The following KBTBD4 variants were observed in gnomAD, a reference collection of about 807,000 sequenced individuals.
KBTBD4 encodes kelch repeat and BTB domain-containing protein 4.
A neutral mutation model predicts 43.9 loss-of-function variants in KBTBD4; 30 were observed. The observed-to-expected ratio is 0.68, with a 90% confidence interval of 0.51 to 0.93. The LOEUF (loss-of-function observed/expected upper bound fraction) is 0.93, where lower values mean the gene tolerates loss of function less well. Among genes scored for constraint, KBTBD4 ranks in the 40% least tolerant of loss-of-function variants. KBTBD4 has a pLI of 0.00. For synonymous variants in KBTBD4, 258 were observed against 256.9 expected, an observed-to-expected ratio of 1.00 and a Z score of -0.04; for missense variants, 575 against 668.8, an observed-to-expected ratio of 0.86 and a Z score of 1.55.
In KBTBD4 at chr11:47,575,680, C is replaced by T; in HGVS notation, c.657G>A (p.Gln219=). The T allele has an allele frequency of 6.2e-7, 1 of 1,610,002 alleles. No homozygotes were observed. Among genetic ancestry groups the T allele is most frequent in the Non-Finnish European group, 8.5e-7 (1 of 1,178,472 alleles). The change falls in exon 3 of 4, where the codon CAG becomes CAA. Residue 219 remains glutamine (Q), a synonymous_variant. Transcript: ENST00000430070. ...AGGCTTCTATTGCCTCTGTTGGGTT[C>T]TGAGAACACGGAACTCCATCTGTGA... ...DIISDGVPCS[Q]NPTEAIEAWI...
chr11:47,573,921 T>C lies in KBTBD4; in HGVS notation c.745-131A>G. 2 of 826,144 alleles carry C rather than the reference T, an allele frequency of 2.4e-6. No homozygotes were observed. The highest frequency in any genetic ancestry group is 1.8e-5 in the South Asian group (1 of 55,878). 51.2% of individuals were successfully genotyped at this position (826,144 alleles called of 1,614,324 possible). Reference sequence around the variant, plus strand: ...ATCATACTACTCTCTAATTACTGTATGGCATCCAACTCTCCTCTAGTCACT... The same window carrying C: ...ATCATACTACTCTCTAATTACTGTACGGCATCCAACTCTCCTCTAGTCACT... On this transcript the variant is annotated intron_variant, in intron 3 of 3. Coordinates refer to ENST00000430070, the MANE Select transcript of KBTBD4 (RefSeq NM_018095.6). The surrounding 1 kb of genome is among the most constrained non-coding windows in gnomAD (Gnocchi z 4.1).
intron 1 of KBTBD4, chr11:47,578,554 T>G: frequency 1.4e-6 from 1 of 698,520 alleles, no homozygotes; most frequent in Non-Finnish European, 2.6e-6. Flanking sequence ...TGCTCTCTTC[T>G]GAGCTGCTTC....
In KBTBD4 at chr11:47,573,412, T is replaced by C; in HGVS notation, c.1123A>G (p.Thr375Ala). ...IYYRVGDNVW[T>A]ETTQLEVAVS... is the part of the protein sequence containing the mutation. ...GCCACCTCTAGCTGAGTTGTCTCTG[T>C]CCACACATTATCACCTACGCGATAA... The change falls in exon 4 of 4, where the codon ACA becomes GCA. Residue 375 changes from threonine (T) to alanine (A), a missense_variant. Physicochemically the swap from Thr to Ala is moderately conservative, Grantham distance 58. Transcript: ENST00000430070. This position sits in a 1 kb window ranked among gnomAD's most constrained non-coding sequence, Gnocchi z 4.1. 3.8e-5 allele frequency: 61 copies of C among 1,614,194 alleles called. No individual in the cohort carries two copies. The highest frequency in any genetic ancestry group is 5.1e-5 in the Non-Finnish European group (60 of 1,180,028).
Position 47,573,459 on chromosome 11 carries a change from G to A in KBTBD4, c.1076C>T (p.Thr359Ile), listed in dbSNP as rs760584018. 1.2e-6 allele frequency: 2 copies of A among 1,614,220 alleles called. No individual in the cohort carries two copies. The highest frequency in any genetic ancestry group is 1.7e-6 in the Non-Finnish European group (2 of 1,180,044). ...ATAATAAATGACTGCGTTGGAGAGG[G>A]TATCTTGCAGTGTCTTGCCACCCAG... ...YSLGGKTLQD[T>I]LSNAVIYYRV... is the part of the protein sequence containing the mutation. The change falls in exon 4 of 4, where the codon ACC (threonine) becomes ATC (isoleucine). Residue 359 changes from threonine (T) to isoleucine (I), a missense_variant. By Grantham distance (89) the Thr-to-Ile change is moderately conservative. Coordinates refer to ENST00000430070, the MANE Select transcript of KBTBD4 (RefSeq NM_018095.6). The surrounding 1 kb of genome is among the most constrained non-coding windows in gnomAD (Gnocchi z 4.1).
At position 47,575,737 on chromosome 11, in the gene KBTBD4, C is replaced by A. The variant is rs1282886852; in HGVS notation, c.638-38G>T. 4 of 1,344,900 alleles carry A rather than the reference C, an allele frequency of 3.0e-6. No homozygotes were observed. The South Asian group carries it at 3.7e-5, about 12-fold the overall frequency. 83.3% of individuals were successfully genotyped at this position (1,344,900 alleles called of 1,614,324 possible). A position where few individuals can be genotyped will look rare whatever the true frequency, so the allele number is the denominator to read the frequency against. On this transcript the variant is annotated intron_variant, in intron 2 of 3. Coordinates refer to ENST00000430070, the MANE Select transcript of KBTBD4 (RefSeq NM_018095.6). ...GAGGAAAGGCATGGTCAATGACAAT[C>A]CGAAAGAGAAATTCAGAGTAAGGGA...
chr11:47,572,792 TG>T lies in KBTBD4; in HGVS notation c.*137del. On this transcript the variant is annotated 3_prime_UTR_variant, in exon 4 of 4. Coordinates refer to ENST00000430070, the MANE Select transcript of KBTBD4 (RefSeq NM_018095.6). ...AAAAGCCCCAAACAGAACACCTCCA[TG>T]GATTCAGGGAAGGGCTGAGGCACTG... is the stretch of plus-strand genomic sequence containing the variant. The T allele has an allele frequency of 1.1e-6, 1 of 895,714 alleles. No individual in the cohort carries two copies. Among genetic ancestry groups the T allele is most frequent in the Non-Finnish European group, 1.7e-6 (1 of 597,056 alleles). The allele number at this position is 895,714 out of a possible 1,614,324, so 55.5% of individuals were successfully genotyped here. A position where few individuals can be genotyped will look rare whatever the true frequency, so the allele number is the denominator to read the frequency against.
chr11:47,573,511 C>T lies in KBTBD4; in HGVS notation c.1024G>A (p.Val342Met). The T allele has an allele frequency of 1.2e-6, 2 of 1,614,196 alleles. No individual in the cohort carries two copies. Among genetic ancestry groups the T allele is most frequent in the Non-Finnish European group, 8.5e-7 (1 of 1,180,034 alleles). ...GAATATATGGCATCTTTCCCGGGCA[C>T]AGACACCAGGGTGTGCTGGAGCCGG... ...RDRLQHTLVS[V>M]PGKDAIYSLG... Residue 342 changes from valine to methionine, a missense_variant, in exon 4 of 4, where the codon GTG becomes ATG. Val to Met is a conservative substitution (Grantham distance 21). Transcript: ENST00000430070. The surrounding 1 kb of genome is among the most constrained non-coding windows in gnomAD (Gnocchi z 4.1).
chr11:47,575,666 G>A lies in KBTBD4; in HGVS notation c.671C>T (p.Ala224Val). The A allele has an allele frequency of 6.2e-7, 1 of 1,613,182 alleles. No individual in the cohort carries two copies. The highest frequency in any genetic ancestry group is 8.5e-7 in the Non-Finnish European group (1 of 1,179,514). The change falls in exon 3 of 4, where the codon GCA (alanine) becomes GTA (valine). Residue 224 changes from alanine to valine, a missense_variant. Physicochemically the swap from Ala to Val is moderately conservative, Grantham distance 64. Transcript: ENST00000430070. ...ATTAAAGTTGATCCAGGCTTCTATT[G>A]CCTCTGTTGGGTTCTGAGAACACGG... is the stretch of plus-strand genomic sequence containing the variant. ...GVPCSQNPTE[A>V]IEAWINFNKE... is the part of the protein sequence containing the mutation.
At position 47,572,966 on chromosome 11, in the gene KBTBD4, C is replaced by G. The variant is rs760009912; in HGVS notation, c.1569G>C (p.Lys523Asn). 1.2e-6 allele frequency: 2 copies of G among 1,614,034 alleles called. No homozygotes were observed. Among genetic ancestry groups the G allele is most frequent in the African/African-American group, 2.7e-5 (2 of 74,910 alleles). The change falls in exon 4 of 4, where the codon AAG becomes AAC. Residue 523 changes from lysine to asparagine, a missense_variant. Lys to Asn is a moderately conservative substitution (Grantham distance 94). Transcript: ENST00000430070. ...TSAVTVTRGIKVLLTNLQFVL... is the reference protein window; with the variant it reads ...TSAVTVTRGINVLLTNLQFVL... The stretch of plus-strand genomic sequence containing the variant: ...CAAACTGCAAATTGGTAAGCAGCAC[C>G]TTAATACCTCTTGTGACAGTTACGG...
Position 47,577,594 on chromosome 11 carries a change from G to A in KBTBD4, c.454C>T (p.Arg152Trp), listed in dbSNP as rs1345707150. The change falls in exon 2 of 4, where the codon CGG (arginine) becomes TGG (tryptophan). Residue 152 changes from arginine (R) to tryptophan (W), a missense_variant. By Grantham distance (101) the Arg-to-Trp change is moderately radical. Transcript: ENST00000430070. ...QLTSLFEECS[R>W]FLARTVQVGN... ...ACTTGCACTGTGCGGGCCAAAAACC[G>A]AGAGCATTCCTCAAAGAGAGATGTC... The A allele has an allele frequency of 1.9e-6, 3 of 1,614,052 alleles. No homozygotes were observed. The highest frequency in any genetic ancestry group is 2.5e-6 in the Non-Finnish European group (3 of 1,180,042).
In KBTBD4 at chr11:47,573,899, A is replaced by G. The variant is rs747880599; in HGVS notation, c.745-109T>C. 1.4e-5 allele frequency: 14 copies of G among 1,003,536 alleles called. No individual in the cohort carries two copies. The highest frequency in any genetic ancestry group is 2.0e-5 in the Non-Finnish European group (14 of 683,336). The allele number at this position is 1,003,536 out of a possible 1,614,324, so 62.2% of individuals were successfully genotyped here. The stretch of plus-strand genomic sequence containing the variant: ...CCTCACACTTGTTCCTAGCTTTATC[A>G]TACTACTCTCTAATTACTGTATGGC... On this transcript the variant is annotated intron_variant, in intron 3 of 3. Coordinates refer to ENST00000430070, the MANE Select transcript of KBTBD4 (RefSeq NM_018095.6). This position sits in a 1 kb window ranked among gnomAD's most constrained non-coding sequence, Gnocchi z 4.1.
In KBTBD4 at chr11:47,575,630, C is replaced by T; in HGVS notation, c.707G>A (p.Arg236Lys). Residue 236 changes from arginine to lysine, a missense_variant, in exon 3 of 4, where the codon AGA becomes AAA. Coordinates refer to ENST00000430070, the MANE Select transcript of KBTBD4 (RefSeq NM_018095.6). The part of the protein sequence containing the change: ...EAWINFNKEE[R>K]EAFAESLRTS... ...CCTGAGTGACTCTGCAAAAGCCTCTCTTTCCTCTTTATTAAAGTTGATCCA... is the reference window on the plus strand; with the variant it reads ...CCTGAGTGACTCTGCAAAAGCCTCTTTTTCCTCTTTATTAAAGTTGATCCA... 1 of 1,613,664 alleles carries T rather than the reference C, an allele frequency of 6.2e-7. No homozygotes were observed. Among genetic ancestry groups the T allele is most frequent in the Non-Finnish European group, 8.5e-7 (1 of 1,179,770 alleles).
intron 2 of KBTBD4, among the ~76,000 whole-genome samples, chr11:47,576,024 C>T (rs2097258717): frequency 6.6e-6 from 1 of 151,666 alleles, no homozygotes; most frequent in Non-Finnish European, 1.5e-5. Flanking sequence ...GGCTAATTTT[C>T]TTATTTTCTG....
chr11:47,572,802 G>A lies in KBTBD4; in HGVS notation c.*128C>T. On this transcript the variant is annotated 3_prime_UTR_variant, in exon 4 of 4. Coordinates refer to ENST00000430070, the MANE Select transcript of KBTBD4 (RefSeq NM_018095.6). The stretch of plus-strand genomic sequence containing the variant: ...AACAGAACACCTCCATGGATTCAGG[G>A]AAGGGCTGAGGCACTGCCTTTCTAG... The A allele has an allele frequency of 1.0e-6, 1 of 963,180 alleles. No homozygotes were observed. Among genetic ancestry groups the A allele is most frequent in the Non-Finnish European group, 1.5e-6 (1 of 655,366 alleles). 59.7% of individuals were successfully genotyped at this position (963,180 alleles called of 1,614,324 possible).
At position 47,572,985 on chromosome 11, in the gene KBTBD4, G is replaced by C; in HGVS notation, c.1550C>G (p.Thr517Ser). 1 of 1,614,222 alleles carries C rather than the reference G, an allele frequency of 6.2e-7. No homozygotes were observed. The highest frequency in any genetic ancestry group is 8.5e-7 in the Non-Finnish European group (1 of 1,180,042). ...CAGCACCTTAATACCTCTTGTGACAGTTACGGCTGAAGTGGCAGGGTCAAG... is the reference window on the plus strand; with the variant it reads ...CAGCACCTTAATACCTCTTGTGACACTTACGGCTGAAGTGGCAGGGTCAAG... ...YKLDPATSAV[T>S]VTRGIKVLLT... is the part of the protein sequence containing the mutation. Residue 517 changes from threonine (T) to serine (S), a missense_variant, in exon 4 of 4, where the codon ACT becomes AGT. Thr to Ser is a moderately conservative substitution (Grantham distance 58, BLOSUM62 1). Transcript: ENST00000430070.
At chr11:47,578,588 A>G (rs1174869233) in intron 1 of KBTBD4, 2 of 708,926 alleles carry the variant, frequency 2.8e-6, no homozygotes, top group Admixed American at 4.0e-5. Context: ...CGCTCGCTCG[A>G]AAGACTCCCT....
rs1339653599 is a variant in KBTBD4 at position 47,573,763 on chromosome 11, G to T, written c.772C>A (p.Leu258Met). The change falls in exon 4 of 4, where the codon CTG (leucine) becomes ATG (methionine). Residue 258 changes from leucine to methionine, a missense_variant. Physicochemically the swap from Leu to Met is conservative, Grantham distance 15. Coordinates refer to ENST00000430070, the MANE Select transcript of KBTBD4 (RefSeq NM_018095.6). The surrounding 1 kb of genome is among the most constrained non-coding windows in gnomAD (Gnocchi z 4.1). ...GTACGAGATGACTCTTTCCCAATCAGGTAAATGTGCACATTCTCCCCAATT... is the reference window on the plus strand; with the variant it reads ...GTACGAGATGACTCTTTCCCAATCATGTAAATGTGCACATTCTCCCCAATT... ...KEIGENVHIY[L>M]IGKESSRTHS... 6.3e-7 allele frequency: 1 copy of T among 1,578,178 alleles called. No homozygotes were observed. The highest frequency in any genetic ancestry group is 1.3e-5 in the African/African-American group (1 of 74,482).
At position 47,577,424 on chromosome 11, in the gene KBTBD4, T is replaced by C. The variant is rs1171781286; in HGVS notation, c.624A>G (p.Thr208=). 1 of 1,604,420 alleles carries C rather than the reference T, an allele frequency of 6.2e-7. No individual in the cohort carries two copies. The highest frequency in any genetic ancestry group is 1.1e-5 in the South Asian group (1 of 90,754). ...CCCTAAACTTACCCGAGATGATATC[T>C]GTGAGTAAGCGGTGGGGCAAGTGGA... ...EFLHLPHRLL[T]DIISDGVPCS... Residue 208 remains threonine (T), a synonymous_variant, in exon 2 of 4, where the codon ACA becomes ACG. Transcript: ENST00000430070.
In KBTBD4 at chr11:47,572,942, A is replaced by C. The variant is rs139967520; in HGVS notation, c.1593T>G (p.Phe531Leu). The change falls in exon 4 of 4, where the codon TTT becomes TTG. Residue 531 changes from phenylalanine (F) to leucine (L), a missense_variant. Coordinates refer to ENST00000430070, the MANE Select transcript of KBTBD4 (RefSeq NM_018095.6). ...CCTCCCCACAGCCTTAGGCCAACACAAACTGCAAATTGGTAAGCAGCACCT... is the reference window on the plus strand; with the variant it reads ...CCTCCCCACAGCCTTAGGCCAACACCAACTGCAAATTGGTAAGCAGCACCT... ...GIKVLLTNLQFVLA is the reference protein window; with the variant it reads ...GIKVLLTNLQLVLA The C allele has an allele frequency of 5.0e-6, 8 of 1,613,444 alleles. No homozygotes were observed. The highest frequency in any genetic ancestry group is 6.8e-6 in the Non-Finnish European group (8 of 1,179,584).
Sources: allele counts gnomAD v4.1 joint callset (sites outside exome capture counted in the v4.1 genomes callset), GRCh38; gene constraint gnomAD v4.1.1; non-coding constraint Gnocchi (gnomAD v3.1); transcripts MANE v1.5; gene names NCBI Gene and HGNC (gene_info 2026-07-23, HGNC 2026-07-21).